Variants in CDKN3 observed in about 807,000 individuals in gnomAD.
CDKN3 encodes the protein cyclin dependent kinase inhibitor 3, also known as cyclin-dependent kinase inhibitor 3.
CDKN3 carries 19 observed loss-of-function variants against 36.1 expected under a neutral mutation model. That is an observed-to-expected ratio of 0.53 (90% CI 0.37 to 0.77). CDKN3 has a LOEUF of 0.77. Ranked by LOEUF, CDKN3 falls within the 30% of genes least tolerant of loss-of-function variation. The probability of loss-of-function intolerance (pLI) is 0.00; values close to 1 mark genes in which losing one functional copy is unlikely to be tolerated. For synonymous variants in CDKN3, 71 were observed against 85.3 expected (o/e 0.83, Z 0.92); for missense variants, 188 against 248.6 (o/e 0.76, Z 1.64).
chr14:54,401,676 A>G, intron 3 of CDKN3, 97 bp downstream of exon 3: 1 of 907,312 alleles, frequency 1.1e-6, no homozygotes, highest in South Asian at 1.8e-5. Context: ...GTGTTTGGTT[A>G]CATAAATAAG....
chr14:54,397,017 C>G lies in CDKN3; in HGVS notation c.-52C>G, dbSNP rs975443873. 45 of 1,442,626 alleles carry G rather than the reference C, an allele frequency of 3.1e-5. No individual in the cohort carries two copies. In the African/African-American group the frequency reaches 6.5e-4, roughly 21 times the overall value. 89.4% of individuals were successfully genotyped at this position (1,442,626 alleles called of 1,614,324 possible). A position where few individuals can be genotyped will look rare whatever the true frequency, so the allele number is the denominator to read the frequency against. ...GGGCTCGGCCGGGGCACCGGTGAGT[C>G]GCCGGCGCTGCAGAGGGAGGCGGCA... On this transcript the variant is annotated 5_prime_UTR_variant, in exon 1 of 8. Transcript: ENST00000335183.
At chr14:54,413,409 C>T (rs1011700419) in intron 5 of CDKN3, among the ~76,000 whole-genome samples, 4 of 150,592 alleles carry the variant, frequency 2.7e-5, no homozygotes, top group African/African-American at 9.8e-5. Context: ...GAAAAGTTTC[C>T]AGAAATCAAA....
intron 7 of CDKN3, 32 bp downstream of exon 7, chr14:54,417,983 G>A (rs2030606392): frequency 1.6e-6 from 2 of 1,255,334 alleles, no homozygotes; most frequent in Non-Finnish European, 2.3e-6. Context: ...GCTTGGTTGT[G>A]GTTGGGGTCG....
intron 5 of CDKN3, among the ~76,000 whole-genome samples, chr14:54,412,165 G>C (rs982590525): frequency 3.3e-5 from 5 of 152,072 alleles, no homozygotes; most frequent in Non-Finnish European, 5.9e-5. Context: ...TGGCTCACTT[G>C]AGCTCAGGAG....
Position 54,397,059 on chromosome 14 carries a change from G to A in CDKN3, c.-10G>A. On this transcript the variant is annotated 5_prime_UTR_variant, in exon 1 of 8. Coordinates refer to ENST00000335183, the MANE Select transcript of CDKN3 (RefSeq NM_005192.4). ...GAGGCGGCACTGGTCTCGACGTGGG[G>A]CGGCCAGCGATGAAGCCGGTGAGTC... 1 of 1,500,068 alleles carries A rather than the reference G, an allele frequency of 6.7e-7. No individual in the cohort carries two copies. Among genetic ancestry groups the A allele is most frequent in the Non-Finnish European group, 8.9e-7 (1 of 1,121,990 alleles). The allele number at this position is 1,500,068 out of a possible 1,614,324, so 92.9% of individuals were successfully genotyped here.
At chr14:54,403,963 A>T (rs574870786) in intron 3 of CDKN3, among the ~76,000 whole-genome samples, 1 of 152,310 alleles carries the variant, frequency 6.6e-6, no homozygotes, top group African/African-American at 2.4e-5. Flanking sequence ...GGATTTTCGC[A>T]TCGATGTTCA....
At position 54,398,648 on chromosome 14, in the gene CDKN3, C is replaced by G. The variant is rs534168425; in HGVS notation, c.10-1246C>G. ...GTGAGAAAAGGGTATGGGTTTTGTT[C>G]TGTTTTGTTTTTGTTTTTCTTTTTC... is the stretch of plus-strand genomic sequence containing the variant. On this transcript the variant is annotated intron_variant, in intron 1 of 7. Coordinates refer to ENST00000335183, the MANE Select transcript of CDKN3 (RefSeq NM_005192.4). Among the ~76,000 whole-genome samples the G allele has an allele frequency of 2.0e-5, 3 of 152,286 alleles. No homozygotes were observed. In the South Asian group the frequency reaches 6.2e-4, roughly 32 times the overall value.
intron 5 of CDKN3, among the ~76,000 whole-genome samples, chr14:54,415,514 A>G (rs1206320962): frequency 6.6e-6 from 1 of 152,238 alleles, no homozygotes; most frequent in East Asian, 1.9e-4. Flanking sequence ...AGATACATGA[A>G]TGGTTATTAT....
intron 3 of CDKN3, among the ~76,000 whole-genome samples, chr14:54,404,800 T>G (rs927890420): frequency 1.4e-5 from 2 of 141,734 alleles, no homozygotes; most frequent in Non-Finnish European, 3.0e-5. Context: ...ATGGTCTCGA[T>G]CTCCTGACCT....
intron 3 of CDKN3, among the ~76,000 whole-genome samples, chr14:54,407,461 AG>A (rs1004572013): frequency 1.3e-5 from 2 of 152,324 alleles, no homozygotes; most frequent in Admixed American, 6.5e-5. Context: ...CCCTTCCGCC[AG>A]GTGCTCTCTC....
intron 4 of CDKN3, 84 bp from the exon 5 acceptor site, chr14:54,411,400 A>T: frequency 9.4e-7 from 1 of 1,065,850 alleles, no homozygotes; most frequent in Non-Finnish European, 1.4e-6. Flanking sequence ...TAAGAAATTT[A>T]ATTTCATATT....
Position 54,415,980 on chromosome 14 carries a change from C to T in CDKN3, c.448+50C>T, listed in dbSNP as rs1256875928. 4 of 1,280,294 alleles carry T rather than the reference C, an allele frequency of 3.1e-6. No individual in the cohort carries two copies. The South Asian group carries it at 4.8e-5, about 15-fold the overall frequency. 79.3% of individuals were successfully genotyped at this position (1,280,294 alleles called of 1,614,324 possible). A position where few individuals can be genotyped will look rare whatever the true frequency, so the allele number is the denominator to read the frequency against. Reference sequence around the variant, plus strand: ...TTTTAACCGCCAAATAGACAAACTTCTGTTTCCAGACCATATGTTCATTTT... The same window carrying T: ...TTTTAACCGCCAAATAGACAAACTTTTGTTTCCAGACCATATGTTCATTTT... On this transcript the variant is annotated intron_variant, in intron 6 of 7. Coordinates refer to ENST00000335183, the MANE Select transcript of CDKN3 (RefSeq NM_005192.4).
At chr14:54,419,920 C>A in intron 7 of CDKN3, 72 bp from the exon 8 acceptor site, 2 of 791,276 alleles carry the variant, frequency 2.5e-6, no homozygotes, top group Non-Finnish European at 2.2e-6. Context: ...ATTCCTGATA[C>A]CTGCTAATAT....
chr14:54,407,873 C>T (rs2030215757), intron 3 of CDKN3, among the ~76,000 whole-genome samples: 1 of 152,198 alleles, frequency 6.6e-6, no homozygotes, highest in African/African-American at 2.4e-5. Flanking sequence ...GTCTTGCTGG[C>T]ATTCCAAGTA....
chr14:54,399,298 T>C (rs1266570747), intron 1 of CDKN3, among the ~76,000 whole-genome samples: 1 of 152,100 alleles, frequency 6.6e-6, no homozygotes, highest in Non-Finnish European at 1.5e-5. Context: ...TCCTATCTTC[T>C]TTAAAACCTG....
Position 54,411,691 on chromosome 14 carries a change from G to T in CDKN3, c.401G>T (p.Arg134Leu). The T allele has an allele frequency of 6.2e-7, 1 of 1,606,932 alleles. No individual in the cohort carries two copies. Among genetic ancestry groups the T allele is most frequent in the Non-Finnish European group, 8.5e-7 (1 of 1,173,750 alleles). The stretch of plus-strand genomic sequence containing the variant: ...CTTACAACCTGCCTTAAAAATTACC[G>T]AAAAACCTTAATACAGTACGTTCTT... ...EELTTCLKNY[R>L]KTLIHCYGGL... is the part of the protein sequence containing the mutation. Residue 134 changes from arginine to leucine, a missense_variant, in exon 5 of 8, where the codon CGA (arginine) becomes CTA (leucine). Coordinates refer to ENST00000335183, the MANE Select transcript of CDKN3 (RefSeq NM_005192.4).
At chr14:54,400,591 TTCTC>T (rs1315227605) in intron 2 of CDKN3, among the ~76,000 whole-genome samples, 34 of 152,332 alleles carry the variant, frequency 2.2e-4, no homozygotes, top group Middle Eastern at 3.4e-3. Context: ...ATCAAATGCT[TTCTC>T]TCATCACTGC....
intron 5 of CDKN3, 82 bp from the exon 6 acceptor site, chr14:54,415,817 A>G: frequency 1.0e-6 from 1 of 972,240 alleles, no homozygotes; most frequent in East Asian, 2.4e-5. Flanking sequence ...AGTTGTAAAT[A>G]GAAGGCAGAA....
At chr14:54,404,765 C>T (rs948000390) in intron 3 of CDKN3, among the ~76,000 whole-genome samples, 5 of 151,944 alleles carry the variant, frequency 3.3e-5, no homozygotes, top group African/African-American at 9.7e-5. Flanking sequence ...TTAGTAGAGA[C>T]GGGGGTTTCA....
Sources: allele counts gnomAD v4.1 joint callset (sites outside exome capture counted in the v4.1 genomes callset), GRCh38; gene constraint gnomAD v4.1.1; transcripts MANE v1.5; gene names NCBI Gene and HGNC (gene_info 2026-07-23, HGNC 2026-07-21).